Variants in SDCCAG8 observed in about 807,000 individuals in gnomAD.
The protein encoded by SDCCAG8 is serologically defined colon cancer antigen 8.
SDCCAG8 carries 74 observed loss-of-function variants against 101.8 expected under a neutral mutation model. That is an observed-to-expected ratio of 0.73 (90% CI 0.60 to 0.88). The LOEUF (loss-of-function observed/expected upper bound fraction) is 0.88. Ranked by LOEUF, SDCCAG8 falls within the 40% of genes least tolerant of loss-of-function variation. SDCCAG8 has a pLI of 0.00. For missense variants in SDCCAG8, 787 were observed against 822.6 expected, an observed-to-expected ratio of 0.96 and a Z score of 0.53; for synonymous variants, 281 against 292.9, an observed-to-expected ratio of 0.96 and a Z score of 0.41.
intron 6 of SDCCAG8, among the ~76,000 whole-genome samples, chr1:243,301,381 T>G (rs2071489717): frequency 6.6e-6 from 1 of 152,172 alleles, no homozygotes; most frequent in Non-Finnish European, 1.5e-5. Flanking sequence ...TTTCATCATG[T>G]TTGGTGCAAT....
At chr1:243,354,993 C>G (rs1272779896) in intron 12 of SDCCAG8, among the ~76,000 whole-genome samples, 6 of 152,276 alleles carry the variant, frequency 3.9e-5, no homozygotes, top group South Asian at 2.1e-4. Flanking sequence ...GTTAGACACA[C>G]AGTGTGAGAC....
chr1:243,281,650 CTT>C (rs35028868), intron 4 of SDCCAG8, among the ~76,000 whole-genome samples: 12 of 113,738 alleles, frequency 1.1e-4, no homozygotes, highest in African/African-American at 1.3e-4. Flanking sequence ...CCTTCTCTGG[CTT>C]TTTTTTTTTT....
chr1:243,350,952 T>A (rs918037502), intron 12 of SDCCAG8, among the ~76,000 whole-genome samples: 4 of 152,230 alleles, frequency 2.6e-5, no homozygotes, highest in African/African-American at 9.6e-5. Flanking sequence ...AGTGTTAGTC[T>A]TTTCTACTTG....
intron 16 of SDCCAG8, chr1:243,475,885 G>A: frequency 1.0e-6 from 1 of 971,920 alleles, no homozygotes; most frequent in East Asian, 1.1e-4. Context: ...AAATTTTGCA[G>A]CCCAAATATT....
chr1:243,342,142 A>T (rs1184554285), intron 11 of SDCCAG8, among the ~76,000 whole-genome samples: 2 of 152,144 alleles, frequency 1.3e-5, no homozygotes, highest in African/African-American at 4.8e-5. Flanking sequence ...TTGTGTGGAG[A>T]TAGGGTGGAA....
chr1:243,294,704 C>T (rs10926983), intron 6 of SDCCAG8, among the ~76,000 whole-genome samples: 1 of 123,548 alleles, frequency 8.1e-6, no homozygotes, highest in Non-Finnish European at 1.7e-5. Context: ...ATTCCCCCCC[C>T]CCCCCACAGC....
chr1:243,339,154 T>C (rs552717648), intron 10 of SDCCAG8, among the ~76,000 whole-genome samples: 180 of 142,134 alleles, frequency 1.3e-3, no homozygotes, highest in Non-Finnish European at 2.3e-3. Context: ...AAGGGAATGA[T>C]GGGTGGCAGA....
intron 1 of SDCCAG8, among the ~76,000 whole-genome samples, chr1:243,268,662 T>C (rs529746789): frequency 1.3e-5 from 2 of 152,332 alleles, no homozygotes; most frequent in South Asian, 4.2e-4. Flanking sequence ...GAAACTGTAT[T>C]AGATATTGTA....
At chr1:243,422,221 ATTTGCGT>A (rs2081060294) in intron 15 of SDCCAG8, among the ~76,000 whole-genome samples, 2 of 151,970 alleles carry the variant, frequency 1.3e-5, no homozygotes, top group Non-Finnish European at 2.9e-5. Flanking sequence ...TGTATTTGTG[ATTTGCGT>A]TTTGTAATTA....
chr1:243,495,005 G>A (rs965220041), intron 17 of SDCCAG8, among the ~76,000 whole-genome samples: 8 of 152,306 alleles, frequency 5.3e-5, no homozygotes, highest in Admixed American at 5.2e-4. Flanking sequence ...TGTCCTTTGG[G>A]AATTCTTAAA....
chr1:243,472,411 G>A (rs886876815), intron 16 of SDCCAG8, among the ~76,000 whole-genome samples: 2 of 152,180 alleles, frequency 1.3e-5, no homozygotes, highest in East Asian at 1.9e-4. Flanking sequence ...GTCCAGGGCT[G>A]GAGAAAGAGG....
chr1:243,461,588 T>C (rs1234397946), intron 16 of SDCCAG8, among the ~76,000 whole-genome samples: 1 of 152,188 alleles, frequency 6.6e-6, no homozygotes, highest in Admixed American at 6.5e-5. Context: ...AGATGTTTTC[T>C]CTTTCTTGGC....
chr1:243,488,938 CAG>C, intron 16 of SDCCAG8, 74 bp from the exon 17 acceptor site: 1 of 1,606,766 alleles, frequency 6.2e-7, no homozygotes. Context: ...GGGCTTCCCT[CAG>C]ATACACACAG....
chr1:243,299,621 T>C (rs1336114424), intron 6 of SDCCAG8, among the ~76,000 whole-genome samples: 1 of 151,740 alleles, frequency 6.6e-6, no homozygotes, highest in Non-Finnish European at 1.5e-5. Flanking sequence ...ATCATATTGG[T>C]CAGGCTGGTC....
Position 243,307,969 on chromosome 1 carries a change from T to C in SDCCAG8, c.741-20T>C, listed in dbSNP as rs758563499. ...AATTTTACCTGGCCATTTTCTAGAATTTTTTCACCCTCTTTTTAGGAACGA... is the reference window on the plus strand; with the variant it reads ...AATTTTACCTGGCCATTTTCTAGAACTTTTTCACCCTCTTTTTAGGAACGA... On this transcript the variant is annotated intron_variant, in intron 7 of 17. Transcript: ENST00000366541. 4 of 1,612,694 alleles carry C rather than the reference T, an allele frequency of 2.5e-6. No homozygotes were observed. Among genetic ancestry groups the C allele is most frequent in the Non-Finnish European group, 2.5e-6 (3 of 1,179,852 alleles).
chr1:243,369,235 C>T (rs932727463), intron 12 of SDCCAG8, among the ~76,000 whole-genome samples: 4 of 151,954 alleles, frequency 2.6e-5, no homozygotes, highest in Admixed American at 1.3e-4. Context: ...AATGGGGAGT[C>T]GATAAACAAG....
At chr1:243,466,709 T>A (rs1051028670) in intron 16 of SDCCAG8, among the ~76,000 whole-genome samples, 1 of 152,220 alleles carries the variant, frequency 6.6e-6, no homozygotes, top group Non-Finnish European at 1.5e-5. Context: ...AATGAGCCTG[T>A]ATTATGCCTG....
chr1:243,456,077 C>G (rs998668997), intron 16 of SDCCAG8, among the ~76,000 whole-genome samples: 2 of 152,138 alleles, frequency 1.3e-5, no homozygotes, highest in Non-Finnish European at 2.9e-5. Context: ...CCAGTCAGTT[C>G]AGTCTCCATC....
At chr1:243,374,069 A>T (rs1299121326) in intron 12 of SDCCAG8, among the ~76,000 whole-genome samples, 1 of 152,102 alleles carries the variant, frequency 6.6e-6, no homozygotes, top group Admixed American at 6.6e-5. Flanking sequence ...TTAGCATGCT[A>T]TGTAAAAAAG....
Sources: gnomAD v4.1 joint callset for allele counts (sites outside exome capture counted in the v4.1 genomes callset) on GRCh38, gnomAD v4.1.1 for gene constraint, MANE v1.5 for transcripts, NCBI Gene and HGNC (gene_info 2026-07-23, HGNC 2026-07-21) for gene names.